The following NRG1 variants were observed in gnomAD, a reference collection of about 807,000 sequenced individuals.
NRG1 encodes neuregulin 1.
Under a neutral mutation model 63.8 loss-of-function variants are expected in NRG1, and 18 were observed. The ratio of observed to expected loss-of-function variants is 0.28; its 90% CI spans 0.19 to 0.42. The LOEUF (loss-of-function observed/expected upper bound fraction) is 0.42, where lower values mean the gene tolerates loss of function less well. NRG1 is among the 10% of genes least tolerant of loss of function. NRG1 has a pLI of 1.00. For missense variants in NRG1, 762 were observed against 814.7 expected (o/e 0.94, Z 0.79); for synonymous variants, 302 against 301.3 (o/e 1.00, Z -0.02).
At chr8:31,727,800 C>T (rs1053066085) in intron 1 of NRG1, among the ~76,000 whole-genome samples, 3 of 152,100 alleles carry the variant, frequency 2.0e-5, no homozygotes, top group Admixed American at 2.0e-4. Context: ...ATAAATTAGG[C>T]ACAGTAGGAG....
chr8:32,654,011 A>T (rs1233876211), intron 5 of NRG1, among the ~76,000 whole-genome samples: 2 of 151,854 alleles, frequency 1.3e-5, no homozygotes, highest in African/African-American at 4.8e-5. Flanking sequence ...GAATAATATA[A>T]CTAGTATCTT....
At chr8:32,102,881 GT>G (rs908031700) in intron 1 of NRG1, among the ~76,000 whole-genome samples, 2 of 151,526 alleles carry the variant, frequency 1.3e-5, no homozygotes, top group Admixed American at 6.6e-5. Flanking sequence ...GGCTTTCTAA[GT>G]TTTTTTTTAA....
chr8:31,755,186 G>T (rs1425216109), intron 1 of NRG1, among the ~76,000 whole-genome samples: 2 of 152,106 alleles, frequency 1.3e-5, no homozygotes, highest in Non-Finnish European at 2.9e-5. Flanking sequence ...GCACAGGGAA[G>T]AGTGACCTGT....
intron 1 of NRG1, among the ~76,000 whole-genome samples, chr8:32,541,608 T>C (rs1480294673): frequency 6.6e-6 from 1 of 152,136 alleles, no homozygotes; most frequent in South Asian, 2.1e-4. Context: ...TTTAACATCA[T>C]TATAAATTTA....
At chr8:32,204,590 T>G in intron 1 of NRG1, among the ~76,000 whole-genome samples, 1 of 152,174 alleles carries the variant, frequency 6.6e-6, no homozygotes, top group East Asian at 1.9e-4. Flanking sequence ...TATAGTGAAT[T>G]ATGAGAAGTA....
chr8:32,276,969 A>G (rs1008529610), intron 1 of NRG1, among the ~76,000 whole-genome samples: 1 of 152,166 alleles, frequency 6.6e-6, no homozygotes. Context: ...TAAGGTTGTT[A>G]CCTGTGGCCT....
At chr8:32,290,518 A>AT (rs1434328243) in intron 1 of NRG1, among the ~76,000 whole-genome samples, 1 of 151,896 alleles carries the variant, frequency 6.6e-6, no homozygotes, top group African/African-American at 2.4e-5. Context: ...GCTTTCCGAG[A>AT]TTTTTTTGAG....
chr8:32,269,930 A>G (rs143037910), intron 1 of NRG1, among the ~76,000 whole-genome samples: 4 of 152,292 alleles, frequency 2.6e-5, no homozygotes, highest in Non-Finnish European at 5.9e-5. Flanking sequence ...ACGAGAACCA[A>G]TGTGATTAGA....
intron 5 of NRG1, among the ~76,000 whole-genome samples, chr8:32,639,729 T>C (rs7010420): frequency 0.027 from 4,119 of 152,334 alleles, 81 homozygotes; most frequent in Middle Eastern, 0.092. Context: ...ACTAACTACA[T>C]TTCTGGGTTG....
chr8:31,709,522 A>T (rs190485108), intron 1 of NRG1, among the ~76,000 whole-genome samples: 82 of 152,190 alleles, frequency 5.4e-4, no homozygotes, highest in African/African-American at 1.8e-3. Flanking sequence ...CTATTTTAAA[A>T]TGCTGGAATT....
At chr8:32,142,618 C>T (rs1836406894) in intron 1 of NRG1, among the ~76,000 whole-genome samples, 2 of 152,142 alleles carry the variant, frequency 1.3e-5, no homozygotes, top group African/African-American at 2.4e-5. Flanking sequence ...GGGCCAGAAG[C>T]TCAAATGCTA....
intron 1 of NRG1, among the ~76,000 whole-genome samples, chr8:31,955,675 G>T (rs139007681): frequency 6.6e-6 from 1 of 152,264 alleles, no homozygotes; most frequent in African/African-American, 2.4e-5. Context: ...ATTGTTTGCT[G>T]TTCCTTCCCA....
At chr8:32,177,169 TC>T (rs1840860957) in intron 1 of NRG1, among the ~76,000 whole-genome samples, 2 of 152,038 alleles carry the variant, frequency 1.3e-5, no homozygotes, top group Admixed American at 6.6e-5. Context: ...TGAGTTCATG[TC>T]CTTTGTAAGG....
chr8:31,927,232 G>A (rs1834430406), intron 1 of NRG1, among the ~76,000 whole-genome samples: 1 of 151,974 alleles, frequency 6.6e-6, no homozygotes. Flanking sequence ...TCCCTGGAAT[G>A]GGCATCATTT....
chr8:32,510,376 T>TA (rs553974477), intron 1 of NRG1, among the ~76,000 whole-genome samples: 6 of 143,854 alleles, frequency 4.2e-5, no homozygotes, highest in African/African-American at 1.5e-4. Context: ...AAATAAAAAA[T>TA]AAAAAAAGGA....
chr8:31,703,494 C>T lies in NRG1; in HGVS notation c.37+64063C>T, dbSNP rs578174590. Among the ~76,000 whole-genome samples, 16 of 152,178 alleles carry T rather than the reference C, an allele frequency of 1.1e-4. 1 individual carries two copies. The East Asian group carries it at 3.1e-3, about 29-fold the overall frequency. ...GCTGGTTTCAATTATTCTGAAAGGACTTTTATTTTTATGGAACACTGAAGA... is the reference window on the plus strand; with the variant it reads ...GCTGGTTTCAATTATTCTGAAAGGATTTTTATTTTTATGGAACACTGAAGA... On this transcript the variant is annotated intron_variant, in intron 1 of 10. Transcript: ENST00000519301.
intron 1 of NRG1, among the ~76,000 whole-genome samples, chr8:31,740,235 C>T (rs1815125369): frequency 1.3e-5 from 2 of 151,976 alleles, no homozygotes; most frequent in African/African-American, 2.4e-5. Context: ...AGAGTAAAGT[C>T]AAGAAATATT....
At chr8:32,147,795 C>T (rs970355215) in intron 1 of NRG1, among the ~76,000 whole-genome samples, 1 of 152,200 alleles carries the variant, frequency 6.6e-6, no homozygotes, top group Non-Finnish European at 1.5e-5. Flanking sequence ...ACACAGGTGC[C>T]TAGAGAGGTG....
chr8:31,959,971 A>G (rs1203096828), intron 1 of NRG1, among the ~76,000 whole-genome samples: 1 of 151,956 alleles, frequency 6.6e-6, no homozygotes, highest in Non-Finnish European at 1.5e-5. Flanking sequence ...GGCAGCTACC[A>G]TTTTCGAGTA....
Sources: allele counts gnomAD v4.1 joint callset (sites outside exome capture counted in the v4.1 genomes callset), GRCh38; gene constraint gnomAD v4.1.1; transcripts MANE v1.5; gene names NCBI Gene and HGNC (gene_info 2026-07-23, HGNC 2026-07-21).